CNTNAP2: variants seen among roughly 807,000 people sequenced by gnomAD.
CNTNAP2 encodes contactin associated protein 2.
Under a neutral mutation model 155.2 loss-of-function variants are expected in CNTNAP2, and 98 were observed. The ratio of observed to expected loss-of-function variants is 0.63; its 90% CI spans 0.54 to 0.75. The LOEUF (loss-of-function observed/expected upper bound fraction) is 0.75. Among genes scored for constraint, CNTNAP2 ranks in the 30% least tolerant of loss-of-function variants. The pLI, the probability that CNTNAP2 is intolerant of heterozygous loss-of-function variation, is 0.00. For missense variants in CNTNAP2, 1,727 were observed against 1,688.1 expected, an observed-to-expected ratio of 1.02 and a Z score of -0.40; for synonymous variants, 651 against 631.2, an observed-to-expected ratio of 1.03 and a Z score of -0.47.
At chr7:147,704,068 G>C (rs1225055922) in intron 13 of CNTNAP2, among the ~76,000 whole-genome samples, 1 of 152,082 alleles carries the variant, frequency 6.6e-6, no homozygotes, top group Non-Finnish European at 1.5e-5. Context: ...TATTAGGTTG[G>C]CACAGCAGTA....
At chr7:146,348,623 C>A (rs1354201233) in intron 1 of CNTNAP2, among the ~76,000 whole-genome samples, 1 of 151,920 alleles carries the variant, frequency 6.6e-6, no homozygotes, top group Non-Finnish European at 1.5e-5. Flanking sequence ...TGTTAAGTGT[C>A]ATGGTATATA....
At chr7:146,445,213 G>A (rs574832824) in intron 1 of CNTNAP2, among the ~76,000 whole-genome samples, 1 of 152,274 alleles carries the variant, frequency 6.6e-6, no homozygotes, top group Admixed American at 6.5e-5. Flanking sequence ...AATAAATACT[G>A]CAGTAAATAT....
chr7:146,917,465 T>C (rs1190619534), intron 3 of CNTNAP2, among the ~76,000 whole-genome samples: 2 of 152,178 alleles, frequency 1.3e-5, no homozygotes, highest in East Asian at 1.9e-4. Flanking sequence ...CAGTAAGTAA[T>C]TGTTGTATAA....
At chr7:147,502,420 T>C (rs566933552) in intron 11 of CNTNAP2, among the ~76,000 whole-genome samples, 37 of 136,244 alleles carry the variant, frequency 2.7e-4, no homozygotes, top group Middle Eastern at 3.9e-3. Context: ...ATCACTTATA[T>C]AGGGAACCTA....
rs71188974 is a variant in CNTNAP2 at position 148,351,744 on chromosome 7, C to CAAA, written c.3476-31891_3476-31889dup. ...GGCAACAGAGTGAGACTCTGTCTCA[C>CAAA]AAAAAAAAAAAAAAAATAGAAACCG... is the stretch of plus-strand genomic sequence containing the variant. On this transcript the variant is annotated intron_variant, in intron 21 of 23. Coordinates refer to ENST00000361727, the MANE Select transcript of CNTNAP2 (RefSeq NM_014141.6). Among the ~76,000 whole-genome samples the CAAA allele has an allele frequency of 4.5e-3, 386 of 85,384 alleles. 19 individuals carry two copies. The highest frequency in any genetic ancestry group is 0.018 in the African/African-American group (346 of 19,504). 56.0% of individuals were successfully genotyped at this position (85,384 alleles called of 152,430 possible). A position where few individuals can be genotyped will look rare whatever the true frequency, so the allele number is the denominator to read the frequency against.
chr7:147,008,783 C>T (rs1204115944), intron 3 of CNTNAP2, among the ~76,000 whole-genome samples: 1 of 151,874 alleles, frequency 6.6e-6, no homozygotes, highest in East Asian at 1.9e-4. Flanking sequence ...AAGCCTAGTT[C>T]GTAAGGTTTA....
Position 148,036,790 on chromosome 7 carries a change from T to C in CNTNAP2, c.2383+58801T>C, listed in dbSNP as rs558143975. On this transcript the variant is annotated intron_variant, in intron 15 of 23. Transcript: ENST00000361727. ...CTAATTTCTAGTCCCATGTGATTTC[T>C]ATTACCTAACTCCATAAAATGGATG... Among the ~76,000 whole-genome samples the C allele has an allele frequency of 2.0e-4, 31 of 152,304 alleles. No individual in the cohort carries two copies. The South Asian group carries it at 5.2e-3, about 25-fold the overall frequency.
chr7:146,453,820 A>G (rs1014493254), intron 1 of CNTNAP2, among the ~76,000 whole-genome samples: 1 of 152,178 alleles, frequency 6.6e-6, no homozygotes, highest in African/African-American at 2.4e-5. Flanking sequence ...AAGATGAGTG[A>G]AGTTGAAGAC....
intron 1 of CNTNAP2, among the ~76,000 whole-genome samples, chr7:146,653,826 G>T (rs1799953712): frequency 6.6e-6 from 1 of 152,060 alleles, no homozygotes; most frequent in Admixed American, 6.6e-5. Context: ...CTCATTAAAA[G>T]GGAAAGAAAC....
chr7:148,128,509 T>G (rs1804760643), intron 16 of CNTNAP2, among the ~76,000 whole-genome samples: 1 of 152,168 alleles, frequency 6.6e-6, no homozygotes, highest in Non-Finnish European at 1.5e-5. Flanking sequence ...TATTAAAGCT[T>G]TTCATATAAT....
At chr7:146,849,575 T>G (rs1562972193) in intron 3 of CNTNAP2, among the ~76,000 whole-genome samples, 2 of 152,228 alleles carry the variant, frequency 1.3e-5, no homozygotes, top group African/African-American at 2.4e-5. Flanking sequence ...TGTATTTAAC[T>G]ATGTTAATCA....
chr7:147,672,681 C>T (rs1456036562), intron 13 of CNTNAP2: 1 of 152,178 alleles, frequency 6.6e-6, no homozygotes, highest in Non-Finnish European at 1.5e-5. Context: ...CTTCAGACTT[C>T]AAAACATTAC....
intron 3 of CNTNAP2, among the ~76,000 whole-genome samples, chr7:147,008,489 G>A (rs1334869090): frequency 1.3e-5 from 2 of 151,912 alleles, no homozygotes; most frequent in East Asian, 3.9e-4. Context: ...ATTCATATTA[G>A]GTTTATTGGT....
At chr7:147,575,372 G>C (rs1403030293) in intron 12 of CNTNAP2, among the ~76,000 whole-genome samples, 1 of 44,554 alleles carries the variant, frequency 2.2e-5, no homozygotes, top group African/African-American at 1.5e-4. Flanking sequence ...AGCTTTAGGG[G>C]TGTGTGTGTG....
chr7:147,089,628 G>T (rs556487145), intron 4 of CNTNAP2, among the ~76,000 whole-genome samples: 2 of 152,186 alleles, frequency 1.3e-5, no homozygotes, highest in South Asian at 2.1e-4. Context: ...CTAGGCCTTG[G>T]GTAGGAGTTA....
chr7:147,952,743 A>C (rs1335468058), intron 14 of CNTNAP2, among the ~76,000 whole-genome samples: 3 of 152,176 alleles, frequency 2.0e-5, no homozygotes, highest in Non-Finnish European at 4.4e-5. Context: ...CTAAAATGAA[A>C]GCTTCCTGAA....
At chr7:146,667,966 T>A (rs766562617) in intron 1 of CNTNAP2, among the ~76,000 whole-genome samples, 2 of 152,126 alleles carry the variant, frequency 1.3e-5, no homozygotes, top group Admixed American at 6.5e-5. Context: ...GCCCTTTAAT[T>A]TTCATTTCCC....
rs186394282 is a variant in CNTNAP2, at chr7:147,513,900, T to C, written c.1777+27859T>C. ...AAGAACAGGATCAGACCTGGATTTT[T>C]CTGTTTTGGAAGACACACCTGAAAT... On this transcript the variant is annotated intron_variant, in intron 11 of 23. Transcript: ENST00000361727. Among the ~76,000 whole-genome samples, 470 of 152,338 alleles carry C rather than the reference T, an allele frequency of 3.1e-3. 2 individuals carry two copies. Among genetic ancestry groups the C allele is most frequent in the African/African-American group, 0.011 (446 of 41,576 alleles).
chr7:146,587,321 T>C (rs909871377), intron 1 of CNTNAP2, among the ~76,000 whole-genome samples: 29 of 152,186 alleles, frequency 1.9e-4, no homozygotes, highest in African/African-American at 7.0e-4. Context: ...ACAAAACTTA[T>C]TTTTCTCATT....
Sources: allele counts gnomAD v4.1 joint callset (sites outside exome capture counted in the v4.1 genomes callset), GRCh38; gene constraint gnomAD v4.1.1; transcripts MANE v1.5; gene names NCBI Gene and HGNC (gene_info 2026-07-23, HGNC 2026-07-21).